Variants in BOLL observed in about 807,000 individuals in gnomAD.
BOLL encodes the protein boule RNA binding protein.
BOLL carries 23 observed loss-of-function variants against 44.4 expected under a neutral mutation model. The ratio of observed to expected loss-of-function variants is 0.52; its 90% CI spans 0.37 to 0.73. The LOEUF (loss-of-function observed/expected upper bound fraction) is 0.73. Among genes scored for constraint, BOLL ranks in the 30% least tolerant of loss-of-function variants. The probability of loss-of-function intolerance (pLI) is 0.00; values close to 1 mark genes in which losing one functional copy is unlikely to be tolerated. For synonymous variants in BOLL, 97 were observed against 110.8 expected (o/e 0.88, Z 0.78); for missense variants, 287 against 338.3 (o/e 0.85, Z 1.19).
chr2:197,732,322 C>T (rs1255046956), intron 10 of BOLL, among the ~76,000 whole-genome samples: 3 of 152,058 alleles, frequency 2.0e-5, no homozygotes, highest in East Asian at 1.9e-4. Flanking sequence ...TAATCAATAG[C>T]TTACCAACCA....
At chr2:197,740,899 T>G (rs1256857046) in intron 10 of BOLL, among the ~76,000 whole-genome samples, 1 of 152,162 alleles carries the variant, frequency 6.6e-6, no homozygotes, top group Non-Finnish European at 1.5e-5. Flanking sequence ...TTTTTAAGTT[T>G]GAAGTCAGGT....
chr2:197,780,347 G>A (rs1325007302), intron 2 of BOLL, among the ~76,000 whole-genome samples: 1 of 152,030 alleles, frequency 6.6e-6, no homozygotes, highest in Non-Finnish European at 1.5e-5. Context: ...ACAGGAGGAA[G>A]CCCTAGCAAT....
chr2:197,771,436 T>G lies in BOLL; in HGVS notation c.480+419A>C, dbSNP rs143881996. 6.9e-3 allele frequency among the ~76,000 whole-genome samples: 1,044 copies of G among 152,102 alleles called. 8 individuals carry two copies. The highest frequency in any genetic ancestry group is 0.024 in the African/African-American group (996 of 41,472). ...AGGTACAGCACACCAACATGGCACA[T>G]GTATACATATGTAACAAACCTGCAC... is the stretch of plus-strand genomic sequence containing the variant. On this transcript the variant is annotated intron_variant, in intron 6 of 10. Coordinates refer to ENST00000392296, the MANE Select transcript of BOLL (RefSeq NM_033030.6).
chr2:197,758,869 C>T (rs1688628756), intron 7 of BOLL: 11 of 1,321,130 alleles, frequency 8.3e-6, no homozygotes, highest in African/African-American at 1.5e-5. Context: ...CAGTCCAATA[C>T]CTGTATCTTA....
chr2:197,734,061 C>T (rs1019583964), intron 10 of BOLL, among the ~76,000 whole-genome samples: 2 of 151,366 alleles, frequency 1.3e-5, no homozygotes, highest in African/African-American at 4.9e-5. Context: ...GCAACCTACT[C>T]ATCTGACAAA....
rs2106299949 is a variant in BOLL, at chr2:197,727,211, G to C, written c.*1344C>G. 1 of 152,388 alleles carries C rather than the reference G, an allele frequency of 6.6e-6. No homozygotes were observed. Among genetic ancestry groups the C allele is most frequent in the East Asian group, 1.9e-4 (1 of 5,326 alleles). 9.4% of individuals were successfully genotyped at this position (152,388 alleles called of 1,614,324 possible). The stretch of plus-strand genomic sequence containing the variant: ...AAACATATTCATTACAGTTTCAAAA[G>C]AAAACACCCTATTTGACTCACCAGA... On this transcript the variant is annotated 3_prime_UTR_variant, in exon 11 of 11. Coordinates refer to ENST00000392296, the MANE Select transcript of BOLL (RefSeq NM_033030.6).
intron 9 of BOLL, among the ~76,000 whole-genome samples, chr2:197,747,228 A>G (rs1688026580): frequency 6.6e-6 from 1 of 152,102 alleles, no homozygotes; most frequent in African/African-American, 2.4e-5. Flanking sequence ...AATGTATACC[A>G]TTTGTCGTTA....
chr2:197,733,893 T>C lies in BOLL; in HGVS notation c.829-5315A>G, dbSNP rs904479583. On this transcript the variant is annotated intron_variant, in intron 10 of 10. Coordinates refer to ENST00000392296, the MANE Select transcript of BOLL (RefSeq NM_033030.6). ...AACCTAGGCAATACCATTCAAGACA[T>C]AGGCATGGGCAAGGACTTCATGTCT... Among the ~76,000 whole-genome samples the C allele has an allele frequency of 1.9e-4, 29 of 152,218 alleles. 1 individual carries two copies. The highest frequency in any genetic ancestry group is 6.5e-4 in the African/African-American group (27 of 41,526).
chr2:197,763,004 G>T (rs963785777), intron 7 of BOLL, among the ~76,000 whole-genome samples: 1 of 151,888 alleles, frequency 6.6e-6, no homozygotes, highest in African/African-American at 2.4e-5. Context: ...AAAGAAAGTA[G>T]ACCCAAATAA....
chr2:197,758,398 G>A (rs1470539012), intron 7 of BOLL, among the ~76,000 whole-genome samples: 1 of 152,144 alleles, frequency 6.6e-6, no homozygotes, highest in Non-Finnish European at 1.5e-5. Context: ...CTAAATGAAA[G>A]AAGCCTGTCA....
At chr2:197,758,924 C>G in intron 7 of BOLL, 1 of 1,531,778 alleles carries the variant, frequency 6.5e-7, no homozygotes, top group Non-Finnish European at 8.7e-7. Flanking sequence ...AAATGTTAGC[C>G]AGGGGAGCAA....
chr2:197,736,857 TG>T (rs909386138), intron 10 of BOLL, among the ~76,000 whole-genome samples: 2 of 152,176 alleles, frequency 1.3e-5, no homozygotes, highest in Non-Finnish European at 2.9e-5. Flanking sequence ...ACTATTTTTT[TG>T]GTTGGACCTG....
intron 3 of BOLL, 100 bp downstream of exon 3, chr2:197,778,875 T>G: frequency 1.1e-6 from 1 of 932,642 alleles, no homozygotes; most frequent in Non-Finnish European, 1.6e-6. Flanking sequence ...CATGATGGTC[T>G]CTGCTGGAAA....
intron 10 of BOLL, 127 bp downstream of exon 10, chr2:197,742,934 A>G: frequency 2.0e-6 from 1 of 508,340 alleles, no homozygotes; most frequent in Middle Eastern, 3.2e-4. Context: ...TGAGTTTGCT[A>G]ATTCTGTACT....
chr2:197,750,962 G>C (rs943514709), intron 9 of BOLL, among the ~76,000 whole-genome samples: 4 of 152,156 alleles, frequency 2.6e-5, no homozygotes, highest in Admixed American at 2.6e-4. Context: ...AGACCACAGT[G>C]CAATCAAATT....
At chr2:197,760,012 G>A (rs916184076) in intron 7 of BOLL, among the ~76,000 whole-genome samples, 11 of 152,200 alleles carry the variant, frequency 7.2e-5, no homozygotes, top group Non-Finnish European at 1.5e-4. Flanking sequence ...AAATGGCCTC[G>A]TGCCCACCCC....
upstream of BOLL, chr2:197,785,496 G>GT: frequency 1.1e-5 from 7 of 651,782 alleles, no homozygotes; most frequent in Non-Finnish European, 1.4e-5. This position sits in a 1 kb window ranked among gnomAD's most constrained non-coding sequence, Gnocchi z 6.7. Context: ...GGTCCCGCCT[G>GT]GGCCACAGGC....
At chr2:197,742,623 A>G (rs538789307) in intron 10 of BOLL, among the ~76,000 whole-genome samples, 30 of 149,974 alleles carry the variant, frequency 2.0e-4, no homozygotes, top group Non-Finnish European at 1.3e-4. Context: ...ATGAGAACAC[A>G]TGGACACAGG....
chr2:197,782,174 T>A (rs918442840), intron 1 of BOLL, among the ~76,000 whole-genome samples: 2 of 152,168 alleles, frequency 1.3e-5, no homozygotes, highest in Non-Finnish European at 2.9e-5. Flanking sequence ...TGAACATGTT[T>A]GAGAAAGAGA....
Sources: allele counts gnomAD v4.1 joint callset (sites outside exome capture counted in the v4.1 genomes callset), GRCh38; gene constraint gnomAD v4.1.1; non-coding constraint Gnocchi (gnomAD v3.1); transcripts MANE v1.5; gene names NCBI Gene and HGNC (gene_info 2026-07-23, HGNC 2026-07-21).